The following MYO9A variants were observed in gnomAD, a reference collection of about 807,000 sequenced individuals.
MYO9A encodes myosin IXA.
A neutral mutation model predicts 293.3 loss-of-function variants in MYO9A; 103 were observed. That is an observed-to-expected ratio of 0.35 (90% CI 0.30 to 0.41). The LOEUF is 0.41. Ranked by LOEUF, MYO9A falls within the 10% of genes least tolerant of loss-of-function variation. MYO9A has a pLI of 1.00. For synonymous variants in MYO9A, 1,001 were observed against 1,035.7 expected (o/e 0.97, Z 0.64); for missense variants, 2,685 against 3,033.0 (o/e 0.89, Z 2.69).
intron 27 of MYO9A, 103 bp downstream of exon 27, chr15:71,887,901 T>TG: frequency 8.9e-6 from 5 of 559,034 alleles, no homozygotes; most frequent in Non-Finnish European, 1.5e-5. Flanking sequence ...ATTTCAAAAG[T>TG]GGCCTATCAA....
At chr15:71,884,622 C>A (rs976948142) in intron 27 of MYO9A, among the ~76,000 whole-genome samples, 1 of 152,092 alleles carries the variant, frequency 6.6e-6, no homozygotes. Context: ...TGCTTGTACA[C>A]GCTTTCATCA....
At chr15:71,907,215 T>G (rs1352479442) in intron 19 of MYO9A, among the ~76,000 whole-genome samples, 1 of 151,462 alleles carries the variant, frequency 6.6e-6, no homozygotes, top group Non-Finnish European at 1.5e-5. Context: ...GTTTTTGCGA[T>G]AGTTTACTGA....
At chr15:71,918,308 A>T (rs924909651) in intron 18 of MYO9A, among the ~76,000 whole-genome samples, 2 of 152,210 alleles carry the variant, frequency 1.3e-5, no homozygotes, top group Non-Finnish European at 2.9e-5. Context: ...CTAAGGAGTT[A>T]TCAAACAAAT....
intron 6 of MYO9A, among the ~76,000 whole-genome samples, chr15:72,013,744 A>G (rs756600699): frequency 6.6e-6 from 1 of 152,190 alleles, no homozygotes; most frequent in African/African-American, 2.4e-5. Flanking sequence ...GTCAAATTAG[A>G]TATTTTCTTC....
intron 39 of MYO9A, among the ~76,000 whole-genome samples, chr15:71,831,976 C>G (rs2054746529): frequency 6.6e-6 from 1 of 152,072 alleles, no homozygotes; most frequent in South Asian, 2.1e-4. Flanking sequence ...GAAAAATTCA[C>G]AAAAGAAAGT....
chr15:72,111,335 CA>C (rs931483149), intron 1 of MYO9A, among the ~76,000 whole-genome samples: 2 of 145,428 alleles, frequency 1.4e-5, no homozygotes, highest in African/African-American at 5.1e-5. Flanking sequence ...ACTAAAAATA[CA>C]AAATTAGCCG....
chr15:71,956,697 CGTAGCATATGTGT>C (rs1241746231), intron 14 of MYO9A, among the ~76,000 whole-genome samples: 1 of 150,348 alleles, frequency 6.7e-6, no homozygotes, highest in Non-Finnish European at 1.5e-5. Flanking sequence ...CTTATATACA[CGTAGCATATGTGT>C]GTAGCATATG....
chr15:71,942,528 TTTTA>T (rs2058804994), intron 15 of MYO9A, among the ~76,000 whole-genome samples: 1 of 152,038 alleles, frequency 6.6e-6, no homozygotes, highest in African/African-American at 2.4e-5. Flanking sequence ...GTTTATATTT[TTTTA>T]TTTACCTTAA....
chr15:71,954,719 C>A (rs2059138469), intron 14 of MYO9A, among the ~76,000 whole-genome samples: 1 of 152,090 alleles, frequency 6.6e-6, no homozygotes, highest in Non-Finnish European at 1.5e-5. Context: ...ATTGCTAAGG[C>A]TCCTCATTTT....
At chr15:71,893,611 T>G in intron 26 of MYO9A, 68 bp downstream of exon 26, 1 of 1,302,996 alleles carries the variant, frequency 7.7e-7, no homozygotes, top group Non-Finnish European at 1.1e-6. Context: ...CCTACAAGAA[T>G]AATAATTTCC....
At chr15:71,900,111 G>T in intron 23 of MYO9A, 105 bp from the exon 24 acceptor site, 1 of 1,146,854 alleles carries the variant, frequency 8.7e-7, no homozygotes. Flanking sequence ...CAGGTTAAGT[G>T]GCTATGCAGC....
At chr15:72,042,983 T>C (rs2078270818) in intron 2 of MYO9A, among the ~76,000 whole-genome samples, 1 of 151,710 alleles carries the variant, frequency 6.6e-6, no homozygotes, top group Non-Finnish European at 1.5e-5. Context: ...CGTGAGAGGA[T>C]CACTCGAGCC....
intron 1 of MYO9A, among the ~76,000 whole-genome samples, chr15:72,085,048 G>A (rs1422260910): frequency 6.6e-6 from 1 of 152,074 alleles, no homozygotes; most frequent in Non-Finnish European, 1.5e-5. Flanking sequence ...ATTTCAGAAA[G>A]CCAGTCTTCA....
At chr15:71,861,679 T>TAAAAA (rs66598621) in intron 33 of MYO9A, among the ~76,000 whole-genome samples, 176 of 82,166 alleles carry the variant, frequency 2.1e-3, no homozygotes, top group African/African-American at 2.6e-3. Flanking sequence ...ACTGATGATA[T>TAAAAA]AAAAAAAAAA....
chr15:71,869,067 T>G (rs78559347), intron 32 of MYO9A, among the ~76,000 whole-genome samples: 1 of 130,766 alleles, frequency 7.6e-6, no homozygotes, highest in Non-Finnish European at 1.6e-5. Context: ...ACTGATGGAA[T>G]TTTTAAAAAA....
intron 1 of MYO9A, among the ~76,000 whole-genome samples, chr15:72,086,150 G>A (rs1174189415): frequency 6.6e-6 from 1 of 152,196 alleles, no homozygotes; most frequent in African/African-American, 2.4e-5. Flanking sequence ...GTGCACACTT[G>A]TCAGCTGTGG....
Position 72,046,620 on chromosome 15 carries a change from T to C in MYO9A, c.-57A>G. 6.8e-7 allele frequency: 1 copy of C among 1,462,196 alleles called. No homozygotes were observed. 90.6% of individuals were successfully genotyped at this position (1,462,196 alleles called of 1,614,324 possible). A position where few individuals can be genotyped will look rare whatever the true frequency, so the allele number is the denominator to read the frequency against. ...TATGTTCAAAGTCGTGCAAACCATT[T>C]TCTTGGTAAAATAACTGTAACATAA... is the stretch of plus-strand genomic sequence containing the variant. On this transcript the variant is annotated 5_prime_UTR_variant, in exon 2 of 42. Coordinates refer to ENST00000356056, the MANE Select transcript of MYO9A (RefSeq NM_006901.4).
intron 39 of MYO9A, among the ~76,000 whole-genome samples, chr15:71,841,236 T>A (rs2055148070): frequency 6.6e-6 from 1 of 152,240 alleles, no homozygotes; most frequent in Admixed American, 6.5e-5. Context: ...CTTAATTGCT[T>A]TATCTAGTAC....
Position 72,115,427 on chromosome 15 carries a change from A to T in MYO9A, c.-72+2253T>A, listed in dbSNP as rs142117549. ...CTTGACAAAATAAAAACAAAATCCC[A>T]CTCCTTCATGGGAATCCCCACCTCA... is the stretch of plus-strand genomic sequence containing the variant. On this transcript the variant is annotated intron_variant, in intron 1 of 41. Transcript: ENST00000356056. 4.9e-3 allele frequency among the ~76,000 whole-genome samples: 739 copies of T among 151,894 alleles called. 8 individuals are homozygous for T. The highest frequency in any genetic ancestry group is 9.0e-3 in the Non-Finnish European group (612 of 67,964).
Sources: gnomAD v4.1 joint callset for allele counts (sites outside exome capture counted in the v4.1 genomes callset) on GRCh38, gnomAD v4.1.1 for gene constraint, MANE v1.5 for transcripts, NCBI Gene and HGNC (gene_info 2026-07-23, HGNC 2026-07-21) for gene names.